The following C7orf78 variants were observed in gnomAD, a reference collection of about 807,000 sequenced individuals.
C7orf78 encodes the protein putative uncharacterized protein C7orf78.
the C7orf78 span, among the ~76,000 whole-genome samples, chr7:12,497,556 A>C: frequency 6.6e-6 from 1 of 152,192 alleles, no homozygotes; most frequent in Admixed American, 6.5e-5. Flanking sequence ...CCATGAGATT[A>C]TACCCTGCAC....
At chr7:12,529,036 TC>T in the C7orf78 span, 4 of 398,526 alleles carry the variant, frequency 1.0e-5, no homozygotes, top group Middle Eastern at 6.3e-4. Context: ...TAGATCTGCT[TC>T]ATATACAGTG....
chr7:12,522,513 G>C, the C7orf78 span, among the ~76,000 whole-genome samples: 3 of 151,972 alleles, frequency 2.0e-5, no homozygotes, highest in African/African-American at 7.3e-5. Flanking sequence ...TCTACTTCTA[G>C]GTCAAATGTT....
At chr7:12,537,849 G>A in the C7orf78 span, among the ~76,000 whole-genome samples, 3 of 152,206 alleles carry the variant, frequency 2.0e-5, no homozygotes, top group South Asian at 6.2e-4. Context: ...ATAGGGATGA[G>A]TCTCACAAAC....
the C7orf78 span, among the ~76,000 whole-genome samples, chr7:12,532,094 G>A: frequency 6.6e-6 from 1 of 152,188 alleles, no homozygotes; most frequent in Non-Finnish European, 1.5e-5. Context: ...GCAAAGGGAA[G>A]GGAAGATGGA....
the C7orf78 span, among the ~76,000 whole-genome samples, chr7:12,486,292 C>T: frequency 1.3e-5 from 2 of 151,940 alleles, no homozygotes; most frequent in African/African-American, 4.8e-5. Flanking sequence ...GTTATATAGT[C>T]CATGTAAAGT....
At chr7:12,528,899 T>G in the C7orf78 span, 1 of 398,400 alleles carries the variant, frequency 2.5e-6, no homozygotes, top group Non-Finnish European at 4.4e-6. Flanking sequence ...TTCCTATCTC[T>G]AGTACATGGG....
chr7:12,518,416 G>T, the C7orf78 span, among the ~76,000 whole-genome samples: 1 of 152,176 alleles, frequency 6.6e-6, no homozygotes, highest in East Asian at 1.9e-4. Context: ...TCAGCCCCAT[G>T]TGCAGACAGC....
chr7:12,532,316 A>G, the C7orf78 span, among the ~76,000 whole-genome samples: 1 of 152,120 alleles, frequency 6.6e-6, no homozygotes, highest in African/African-American at 2.4e-5. Flanking sequence ...TTGGGAGGTC[A>G]AGGTGGGTGA....
the C7orf78 span, among the ~76,000 whole-genome samples, chr7:12,535,956 A>G: frequency 2.2e-3 from 335 of 152,358 alleles, 1 homozygote; most frequent in Non-Finnish European, 2.2e-3. Flanking sequence ...TTTGCAGGAT[A>G]CAGCCTCCCA....
At chr7:12,496,987 A>C in the C7orf78 span, among the ~76,000 whole-genome samples, 4 of 152,256 alleles carry the variant, frequency 2.6e-5, no homozygotes, top group African/African-American at 9.6e-5. Context: ...ATTATAAGTA[A>C]TTTACTGCCA....
At chr7:12,484,463 TAACAGAAAATTC>T in the C7orf78 span, among the ~76,000 whole-genome samples, 1 of 152,224 alleles carries the variant, frequency 6.6e-6, no homozygotes, top group Non-Finnish European at 1.5e-5. Context: ...TTTCTACAAA[TAACAGAAAATTC>T]AACAGAAAAT....
At chr7:12,507,982 C>G in the C7orf78 span, among the ~76,000 whole-genome samples, 3 of 152,116 alleles carry the variant, frequency 2.0e-5, no homozygotes, top group African/African-American at 4.8e-5. Context: ...AGTACTCACT[C>G]TCTTCTTTTA....
chr7:12,511,019 G>T, the C7orf78 span, among the ~76,000 whole-genome samples: 1 of 152,056 alleles, frequency 6.6e-6, no homozygotes, highest in Non-Finnish European at 1.5e-5. Flanking sequence ...TATAATTTCA[G>T]GTTTTATGTT....
the C7orf78 span, among the ~76,000 whole-genome samples, chr7:12,489,350 A>G: frequency 6.6e-6 from 1 of 152,124 alleles, no homozygotes; most frequent in Non-Finnish European, 1.5e-5. Flanking sequence ...CACATTCATA[A>G]TAAAACATTA....
At chr7:12,508,840 T>C in the C7orf78 span, among the ~76,000 whole-genome samples, 18 of 152,316 alleles carry the variant, frequency 1.2e-4, no homozygotes, top group Non-Finnish European at 2.4e-4. Context: ...GCACATGTGC[T>C]CCTTATGAGA....
At chr7:12,492,519 G>A in the C7orf78 span, among the ~76,000 whole-genome samples, 16 of 152,314 alleles carry the variant, frequency 1.1e-4, no homozygotes, top group East Asian at 3.1e-3. Context: ...CAGATTGGTA[G>A]ATCATAAGAT....
chr7:12,521,140 A>C, the C7orf78 span, among the ~76,000 whole-genome samples: 1 of 152,206 alleles, frequency 6.6e-6, no homozygotes, highest in African/African-American at 2.4e-5. Flanking sequence ...GTAGGTAGCA[A>C]ATAATTGAGT....
At chr7:12,491,910 C>T in the C7orf78 span, 1 of 152,208 alleles carries the variant, frequency 6.6e-6, no homozygotes, top group African/African-American at 2.4e-5. Flanking sequence ...ATAATGGCAG[C>T]ATATCCCTCT....
chr7:12,484,377 T>C, the C7orf78 span, among the ~76,000 whole-genome samples: 1 of 152,220 alleles, frequency 6.6e-6, no homozygotes, highest in Non-Finnish European at 1.5e-5. Context: ...TTCTGTCATG[T>C]ACTTTCTGAT....
Sources: gnomAD v4.1 joint callset for allele counts (sites outside exome capture counted in the v4.1 genomes callset) on GRCh38, gnomAD v4.1.1 for gene constraint, MANE v1.5 for transcripts, NCBI Gene and HGNC (gene_info 2026-07-23, HGNC 2026-07-21) for gene names.